The following DHX40 variants were observed in gnomAD, a reference collection of about 807,000 sequenced individuals.
DHX40 encodes the protein DEAH-box helicase 40, also known as probable ATP-dependent RNA helicase DHX40.
Under a neutral mutation model 89.6 loss-of-function variants are expected in DHX40, and 28 were observed. That is an observed-to-expected ratio of 0.31 (90% CI 0.23 to 0.43). DHX40 has a LOEUF of 0.43. Ranked by LOEUF, DHX40 falls within the 20% of genes least tolerant of loss-of-function variation. The pLI is 1.00. For synonymous variants in DHX40, 226 were observed against 283.6 expected, an observed-to-expected ratio of 0.80 and a Z score of 2.04; for missense variants, 457 against 844.0, an observed-to-expected ratio of 0.54 and a Z score of 5.68.
chr17:59,570,182 ATATAATATATAATATAT>A (rs985757640), intron 2 of DHX40, among the ~76,000 whole-genome samples: 1 of 123,038 alleles, frequency 8.1e-6, no homozygotes, highest in Non-Finnish European at 1.6e-5. Context: ...ATATTAATAT[ATATAATATATAATATAT>A]TATAATATAT....
intron 12 of DHX40, among the ~76,000 whole-genome samples, 178 bp downstream of exon 12, chr17:59,588,231 A>AAAAAC (rs1567880353): frequency 2.0e-5 from 3 of 148,934 alleles, no homozygotes; most frequent in African/African-American, 5.0e-5. Flanking sequence ...AAAAAAAAAA[A>AAAAAC]AAAAAAAAAA....
At chr17:59,594,145 C>G (rs2049119181) in intron 12 of DHX40, among the ~76,000 whole-genome samples, 1 of 151,810 alleles carries the variant, frequency 6.6e-6, no homozygotes, top group African/African-American at 2.4e-5. Flanking sequence ...TTCTAGAACA[C>G]CAGGAAGACT....
intron 12 of DHX40, among the ~76,000 whole-genome samples, chr17:59,588,522 C>T (rs901926989): frequency 2.6e-5 from 4 of 152,100 alleles, no homozygotes; most frequent in East Asian, 1.9e-4. Context: ...AGTAGAGGCG[C>T]GGTTTCTCCA....
rs189859219 is a variant in DHX40 at position 59,600,277 on chromosome 17, T to C, written c.1806+794T>C. Among the ~76,000 whole-genome samples the C allele has an allele frequency of 2.0e-5, 3 of 152,124 alleles. No homozygotes were observed. The East Asian group carries it at 5.8e-4, about 29-fold the overall frequency. ...AACTGTGAGTTTAAGCAAAATGATA[T>C]ACAGCAGGCCCTAGAAAAATATTGT... On this transcript the variant is annotated intron_variant, in intron 14 of 17. Transcript: ENST00000251241.
At chr17:59,569,126 T>G (rs553355184) in intron 2 of DHX40, among the ~76,000 whole-genome samples, 9 of 151,268 alleles carry the variant, frequency 5.9e-5, no homozygotes, top group Non-Finnish European at 1.3e-4. Context: ...GTCAGAAGTT[T>G]GCGACCAGCC....
chr17:59,573,227 C>G lies in DHX40; in HGVS notation c.538C>G (p.Leu180Val). 3 of 1,606,302 alleles carry G rather than the reference C, an allele frequency of 1.9e-6. No homozygotes were observed. The highest frequency in any genetic ancestry group is 2.5e-6 in the Non-Finnish European group (3 of 1,177,536). The change falls in exon 4 of 18, where the codon CTA becomes GTA. Residue 180 changes from leucine to valine, a missense_variant. Physicochemically the swap from Leu to Val is conservative, Grantham distance 32. Around this residue, in one of 9 missense-constraint regions of DHX40, gnomAD observed 9 missense variants for 44.4 expected, o/e 0.20. Transcript: ENST00000251241. ...IILDEAHERT[L>V]TTDILFGLLK... ...TTTGGATGAAGCCCATGAAAGAACT[C>G]TAACTACAGTGAGTATTTTAATTTA...
chr17:59,597,804 G>A (rs1416801396), intron 12 of DHX40, among the ~76,000 whole-genome samples: 12 of 151,286 alleles, frequency 7.9e-5, no homozygotes, highest in Admixed American at 6.6e-4. Flanking sequence ...GCGCGGTGGC[G>A]GGCGCCTGTA....
chr17:59,587,079 G>A (rs1242171250), intron 11 of DHX40, among the ~76,000 whole-genome samples: 1 of 151,528 alleles, frequency 6.6e-6, no homozygotes, highest in Admixed American at 6.6e-5. Context: ...TCTGAGCTTC[G>A]GAGGTGAGGG....
At chr17:59,598,955 T>C (rs1174485211) in intron 13 of DHX40, 104 bp downstream of exon 13, 6 of 613,990 alleles carry the variant, frequency 9.8e-6, no homozygotes, top group African/African-American at 5.6e-5. Context: ...GAAGATGATA[T>C]TGACTTCAAG....
chr17:59,606,346 G>A (rs1162474024), intron 17 of DHX40, among the ~76,000 whole-genome samples: 4 of 152,178 alleles, frequency 2.6e-5, no homozygotes, highest in African/African-American at 9.7e-5. Context: ...AAAGCTTTTT[G>A]AGGCTGAATG....
intron 12 of DHX40, among the ~76,000 whole-genome samples, chr17:59,595,209 G>A (rs2029953343): frequency 1.3e-5 from 2 of 151,298 alleles, no homozygotes; most frequent in South Asian, 4.2e-4. Context: ...TCAGCCTCCC[G>A]AGTAGCTGAG....
intron 12 of DHX40, among the ~76,000 whole-genome samples, chr17:59,595,327 C>T (rs1297542966): frequency 4.6e-5 from 7 of 152,264 alleles, no homozygotes; most frequent in African/African-American, 1.7e-4. Flanking sequence ...AGGTGATCCT[C>T]CTGCCTCGGC....
At chr17:59,605,707 T>C in intron 17 of DHX40, 33 bp downstream of exon 17, 2 of 1,564,908 alleles carry the variant, frequency 1.3e-6, no homozygotes, top group Non-Finnish European at 1.7e-6. Context: ...TCTTAACCAC[T>C]ATGCCATACT....
At chr17:59,597,922 G>A (rs1219064319) in intron 12 of DHX40, among the ~76,000 whole-genome samples, 7 of 142,152 alleles carry the variant, frequency 4.9e-5, no homozygotes, top group African/African-American at 7.9e-5. Context: ...GCGATAGAGC[G>A]AGACTCCGTC....
intron 2 of DHX40, among the ~76,000 whole-genome samples, chr17:59,567,189 A>G (rs1446775378): frequency 1.3e-5 from 2 of 152,220 alleles, no homozygotes; most frequent in Non-Finnish European, 2.9e-5. Context: ...GTAAATATTT[A>G]TCCCCTGACT....
At position 59,601,424 on chromosome 17, in the gene DHX40, T is replaced by C. The variant is rs2030519705; in HGVS notation, c.1807-1098T>C. Among the ~76,000 whole-genome samples the C allele has an allele frequency of 2.0e-5, 3 of 152,300 alleles. No homozygotes were observed. In the South Asian group the frequency reaches 6.2e-4, roughly 32 times the overall value. Reference sequence around the variant, plus strand: ...TCTGTTTGCCTTATCTTAAAGTTCATTAATCTTTTCTCCTGCAGTGTCTAG... The same window carrying C: ...TCTGTTTGCCTTATCTTAAAGTTCACTAATCTTTTCTCCTGCAGTGTCTAG... On this transcript the variant is annotated intron_variant, in intron 14 of 17. Transcript: ENST00000251241.
At chr17:59,576,867 GT>G (rs751587416) in intron 7 of DHX40, among the ~76,000 whole-genome samples, 95 of 142,268 alleles carry the variant, frequency 6.7e-4, no homozygotes, top group Middle Eastern at 3.6e-3. Context: ...TCTTGCCTCT[GT>G]TTTTTTTTTT....
chr17:59,574,087 T>G (rs1481649086), intron 5 of DHX40, 101 bp from the exon 6 acceptor site: 3 of 675,776 alleles, frequency 4.4e-6, no homozygotes, highest in Non-Finnish European at 6.8e-6. Flanking sequence ...GTCCTAGAAC[T>G]TTTAAGAACC....
chr17:59,574,406 T>C (rs2048851493), intron 6 of DHX40, 152 bp downstream of exon 6: 1 of 470,736 alleles, frequency 2.1e-6, no homozygotes, highest in Non-Finnish European at 4.0e-6. Flanking sequence ...AGGTAAAAGA[T>C]AGATAAAAAT....
Sources: gnomAD v4.1 joint callset for allele counts (sites outside exome capture counted in the v4.1 genomes callset) on GRCh38, gnomAD v4.1.1 for gene constraint, gnomAD v4.1.1 regional missense constraint, MANE v1.5 for transcripts, NCBI Gene and HGNC (gene_info 2026-07-23, HGNC 2026-07-21) for gene names.